Variants in SLC35F4 observed in about 807,000 individuals in gnomAD.
SLC35F4 encodes solute carrier family 35 member F4, also known as chromosome 14 open reading frame 36.
A neutral mutation model predicts 44.2 loss-of-function variants in SLC35F4; 24 were observed. The ratio of observed to expected loss-of-function variants is 0.54; its 90% CI spans 0.39 to 0.76. The LOEUF (loss-of-function observed/expected upper bound fraction) is 0.76, where lower values mean the gene tolerates loss of function less well. SLC35F4 is among the 30% of genes least tolerant of loss of function. The probability of loss-of-function intolerance (pLI) is 0.00; values close to 1 mark genes in which losing one functional copy is unlikely to be tolerated. For missense variants in SLC35F4, 562 were observed against 586.1 expected (o/e 0.96, Z 0.42); for synonymous variants, 238 against 223.6 (o/e 1.06, Z -0.57).
chr14:57,791,853 C>T (rs1351394363), intron 1 of SLC35F4, among the ~76,000 whole-genome samples: 1 of 151,938 alleles, frequency 6.6e-6, no homozygotes, highest in Non-Finnish European at 1.5e-5. Flanking sequence ...TCTCAGCAAA[C>T]TGACACAGGA....
At chr14:57,744,629 A>G (rs546410086) in intron 1 of SLC35F4, among the ~76,000 whole-genome samples, 1 of 152,338 alleles carries the variant, frequency 6.6e-6, no homozygotes, top group South Asian at 2.1e-4. Flanking sequence ...AAGAATCAAT[A>G]TCATGAAAAT....
intron 1 of SLC35F4, among the ~76,000 whole-genome samples, chr14:57,887,211 G>A (rs1888668932): frequency 6.6e-6 from 1 of 152,134 alleles, no homozygotes; most frequent in Non-Finnish European, 1.5e-5. Context: ...TCCGGGTAGT[G>A]CTAAGAGAGA....
chr14:57,729,858 G>A (rs2076302968), intron 1 of SLC35F4, among the ~76,000 whole-genome samples: 1 of 152,216 alleles, frequency 6.6e-6, no homozygotes, highest in Non-Finnish European at 1.5e-5. Context: ...ACAGTGGTAA[G>A]TCTTGCCAAG....
At chr14:57,627,115 G>A (rs999295237) in intron 1 of SLC35F4, among the ~76,000 whole-genome samples, 2 of 152,092 alleles carry the variant, frequency 1.3e-5, no homozygotes, top group Non-Finnish European at 2.9e-5. Flanking sequence ...TTCACATTTT[G>A]CATTTAAATG....
At chr14:57,925,512 A>T (rs1434306881) in intron 1 of SLC35F4, among the ~76,000 whole-genome samples, 1 of 24,266 alleles carries the variant, frequency 4.1e-5, no homozygotes, top group African/African-American at 2.1e-4. Flanking sequence ...GGAGGGAGGG[A>T]GGGAGGGAGG....
At chr14:57,609,232 G>GA (rs1003738880) in intron 1 of SLC35F4, among the ~76,000 whole-genome samples, 31 of 152,056 alleles carry the variant, frequency 2.0e-4, no homozygotes, top group Non-Finnish European at 7.4e-5. Context: ...AGTTTTATTA[G>GA]AAAAAAATGA....
intron 1 of SLC35F4, among the ~76,000 whole-genome samples, chr14:57,806,467 T>C (rs1040628274): frequency 2.0e-5 from 3 of 152,294 alleles, no homozygotes; most frequent in African/African-American, 7.2e-5. Context: ...ATTTTAATTA[T>C]TTTCAGCCAA....
intron 1 of SLC35F4, among the ~76,000 whole-genome samples, chr14:57,798,579 C>T (rs1273446668): frequency 6.6e-6 from 1 of 152,180 alleles, no homozygotes; most frequent in African/African-American, 2.4e-5. Context: ...CCAGGGAATG[C>T]TACAGATGCA....
At chr14:57,947,264 T>G (rs1369824178) in intron 1 of SLC35F4, among the ~76,000 whole-genome samples, 1 of 143,948 alleles carries the variant, frequency 6.9e-6, no homozygotes, top group Non-Finnish European at 1.5e-5. Flanking sequence ...TTTTTTTTTT[T>G]GGTTTGTTTG....
At chr14:57,760,962 G>T (rs576343693) in intron 1 of SLC35F4, among the ~76,000 whole-genome samples, 1 of 151,900 alleles carries the variant, frequency 6.6e-6, no homozygotes, top group Admixed American at 6.6e-5. Flanking sequence ...TCTCCTCTCC[G>T]GCACTCTACC....
chr14:57,817,324 T>C (rs1421546167), intron 1 of SLC35F4, among the ~76,000 whole-genome samples: 3 of 152,132 alleles, frequency 2.0e-5, no homozygotes, highest in Non-Finnish European at 4.4e-5. Flanking sequence ...GAATTTTGAA[T>C]ACCTGGATCC....
At position 57,601,802 on chromosome 14, in the gene SLC35F4, A is replaced by G. The variant is rs114680462; in HGVS notation, c.104-7678T>C. Among the ~76,000 whole-genome samples the G allele has an allele frequency of 4.3e-3, 648 of 152,310 alleles. 3 individuals carry two copies. The highest frequency in any genetic ancestry group is 0.015 in the African/African-American group (632 of 41,576). On this transcript the variant is annotated intron_variant, in intron 1 of 7. Coordinates refer to ENST00000556826, the MANE Select transcript of SLC35F4 (RefSeq NM_001306087.2). Reference sequence around the variant, plus strand: ...ATGCCTACTATTTAATTTAGCACCTACTATGCACAAAAAGCCTTGTGTATA... The same window carrying G: ...ATGCCTACTATTTAATTTAGCACCTGCTATGCACAAAAAGCCTTGTGTATA...
chr14:57,925,531 G>GGAAGGA (rs1889549874), intron 1 of SLC35F4, among the ~76,000 whole-genome samples: 5 of 72,390 alleles, frequency 6.9e-5, no homozygotes, highest in African/African-American at 2.7e-4. Context: ...GGGAGGGAGG[G>GGAAGGA]AGGGAGGGAG....
intron 1 of SLC35F4, among the ~76,000 whole-genome samples, chr14:57,821,158 A>G (rs1198374862): frequency 6.6e-6 from 1 of 152,200 alleles, no homozygotes; most frequent in Non-Finnish European, 1.5e-5. Flanking sequence ...GTTCAGCCAC[A>G]GCTTCCAAGT....
At chr14:57,619,576 A>T (rs1230575814) in intron 1 of SLC35F4, among the ~76,000 whole-genome samples, 2 of 152,186 alleles carry the variant, frequency 1.3e-5, no homozygotes, top group Non-Finnish European at 2.9e-5. Context: ...TAAATCCATG[A>T]AGATGGGGAG....
chr14:57,645,775 C>A (rs886377122), intron 1 of SLC35F4, among the ~76,000 whole-genome samples: 1 of 151,072 alleles, frequency 6.6e-6, no homozygotes, highest in African/African-American at 2.4e-5. Context: ...TAGATAGCTC[C>A]TATTATTTTG....
chr14:57,603,419 C>A (rs8004956), intron 1 of SLC35F4, among the ~76,000 whole-genome samples: 4 of 152,164 alleles, frequency 2.6e-5, no homozygotes, highest in African/African-American at 7.2e-5. Context: ...GGAGTTCCCC[C>A]TCCCTCATTA....
At chr14:57,821,258 A>C (rs1054556658) in intron 1 of SLC35F4, among the ~76,000 whole-genome samples, 4 of 152,178 alleles carry the variant, frequency 2.6e-5, no homozygotes, top group African/African-American at 9.6e-5. Context: ...CAAGTCACAC[A>C]GACAACTTCT....
At chr14:57,832,830 A>C (rs767168313) in intron 1 of SLC35F4, among the ~76,000 whole-genome samples, 1 of 152,238 alleles carries the variant, frequency 6.6e-6, no homozygotes, top group Non-Finnish European at 1.5e-5. Flanking sequence ...GTGTAAAATT[A>C]CACTCACTGA....
Sources: gnomAD v4.1 joint callset for allele counts (sites outside exome capture counted in the v4.1 genomes callset) on GRCh38, gnomAD v4.1.1 for gene constraint, MANE v1.5 for transcripts, NCBI Gene and HGNC (gene_info 2026-07-23, HGNC 2026-07-21) for gene names.